Variants in DOCK7 observed in about 807,000 individuals in gnomAD.
The protein encoded by DOCK7 is dedicator of cytokinesis 7, also known as dedicator of cytokinesis protein 7.
A neutral mutation model predicts 271.0 loss-of-function variants in DOCK7; 138 were observed. The observed-to-expected ratio is 0.51, with a 90% CI of 0.44 to 0.59. DOCK7 has a LOEUF of 0.59. Among genes scored for constraint, DOCK7 ranks in the 20% least tolerant of loss-of-function variants. The pLI, the probability that DOCK7 is intolerant of heterozygous loss-of-function variation, is 0.00. For missense variants in DOCK7, 2,066 were observed against 2,592.4 expected (o/e 0.80, Z 4.41); for synonymous variants, 823 against 876.1 (o/e 0.94, Z 1.07).
At chr1:62,515,102 A>C (rs1644620743) in intron 31 of DOCK7, among the ~76,000 whole-genome samples, 1 of 151,942 alleles carries the variant, frequency 6.6e-6, no homozygotes, top group Admixed American at 6.6e-5. Flanking sequence ...CAATCACTCA[A>C]AGAAATAAGT....
chr1:62,545,324 C>T (rs1645667915), intron 22 of DOCK7, among the ~76,000 whole-genome samples: 4 of 151,658 alleles, frequency 2.6e-5, no homozygotes, highest in African/African-American at 9.7e-5. Flanking sequence ...CTAATGTTCC[C>T]ACAGCACCAC....
chr1:62,488,293 T>A (rs1646355750), intron 42 of DOCK7: 1 of 152,590 alleles, frequency 6.6e-6, no homozygotes, highest in African/African-American at 2.4e-5. Flanking sequence ...GCTAGTAGTG[T>A]ACTTCATTTT....
In DOCK7 at chr1:62,455,342, T is replaced by C; in HGVS notation, c.*72A>G. ...TCCAGAATTCCATTCCATGTTGTTT[T>C]CCAATAGATCTTTTCACACTCGATG... On this transcript the variant is annotated 3_prime_UTR_variant, in exon 50 of 50. Coordinates refer to ENST00000635253, the MANE Select transcript of DOCK7 (RefSeq NM_001367561.1). 6.6e-7 allele frequency: 1 copy of C among 1,508,204 alleles called. No individual in the cohort carries two copies. The highest frequency in any genetic ancestry group is 9.2e-7 in the Non-Finnish European group (1 of 1,086,698). The allele number at this position is 1,508,204 out of a possible 1,614,324, so 93.4% of individuals were successfully genotyped here. A position where few individuals can be genotyped will look rare whatever the true frequency, so the allele number is the denominator to read the frequency against.
intron 1 of DOCK7, among the ~76,000 whole-genome samples, chr1:62,678,402 T>C (rs1660756768): frequency 6.6e-6 from 1 of 152,196 alleles, no homozygotes; most frequent in Non-Finnish European, 1.5e-5. Context: ...TATAGCTGGA[T>C]ACAAAATTGT....
chr1:62,509,144 A>C (rs1644405603), intron 34 of DOCK7, among the ~76,000 whole-genome samples: 1 of 151,950 alleles, frequency 6.6e-6, no homozygotes, highest in Admixed American at 6.6e-5. Flanking sequence ...CAACATGGCA[A>C]AACCCTGTCT....
At chr1:62,617,618 C>A (rs2031373) in intron 14 of DOCK7, among the ~76,000 whole-genome samples, 95,245 of 151,684 alleles carry the variant, frequency 0.63, 30,380 homozygotes, top group African/African-American at 0.74. Context: ...CAGAAGAGAA[C>A]AGAAGTAAAA....
chr1:62,581,954 T>C (rs941022197), intron 16 of DOCK7, among the ~76,000 whole-genome samples: 17 of 152,172 alleles, frequency 1.1e-4, no homozygotes. Context: ...AGGAGACTAA[T>C]GCTGCAAGAA....
At position 62,633,501 on chromosome 1, in the gene DOCK7, G is replaced by C; in HGVS notation, c.1113C>G (p.Thr371=). 1 of 1,604,234 alleles carries C rather than the reference G, an allele frequency of 6.2e-7. No individual in the cohort carries two copies. The highest frequency in any genetic ancestry group is 8.5e-7 in the Non-Finnish European group (1 of 1,171,758). The change falls in exon 10 of 50, where the codon ACC becomes ACG. Residue 371 remains threonine (T), a synonymous_variant. Coordinates refer to ENST00000635253, the MANE Select transcript of DOCK7 (RefSeq NM_001367561.1). ...PYMIFKEADA[T]KNKEKLEKLK... is the part of the protein sequence containing the mutation. The stretch of plus-strand genomic sequence containing the variant: ...AATGAGAAGCATAACATTCTACCTT[G>C]GTGGCATCTGCTTCTTTGAAAATCA...
intron 12 of DOCK7, among the ~76,000 whole-genome samples, chr1:62,620,943 GAGA>G (rs1322364608): frequency 2.8e-5 from 4 of 144,344 alleles, no homozygotes; most frequent in African/African-American, 1.0e-4. Context: ...AGATGAAAAA[GAGA>G]AGAGAAAAAT....
intron 48 of DOCK7, among the ~76,000 whole-genome samples, chr1:62,466,632 C>CCTTA (rs1180361189): frequency 6.6e-6 from 1 of 152,090 alleles, no homozygotes; most frequent in Non-Finnish European, 1.5e-5. Flanking sequence ...CTACTTGCCC[C>CCTTA]CGTAAAAACA....
At position 62,543,674 on chromosome 1, in the gene DOCK7, T is replaced by G. The variant is rs1384904364; in HGVS notation, c.2931A>C (p.Gly977=). The change falls in exon 24 of 50, where the codon GGA becomes GGC. Residue 977 remains glycine, a synonymous_variant. Transcript: ENST00000635253. ...ETSSFLQTLT[G]RLPTKKLFHE... Reference sequence around the variant, plus strand: ...AATCTACCTTTTTAGTTGGTAAGCGTCCCGTTAATGTTTGTAAGAAACTTG... The same window carrying G: ...AATCTACCTTTTTAGTTGGTAAGCGGCCCGTTAATGTTTGTAAGAAACTTG... The G allele has an allele frequency of 6.2e-7, 1 of 1,602,530 alleles. No homozygotes were observed. The highest frequency in any genetic ancestry group is 8.5e-7 in the Non-Finnish European group (1 of 1,171,456).
At chr1:62,477,634 G>A (rs997737342) in intron 44 of DOCK7, 66 bp downstream of exon 44, 1 of 1,463,858 alleles carries the variant, frequency 6.8e-7, no homozygotes, top group Non-Finnish European at 9.1e-7. Context: ...ATCTGGATCT[G>A]AAAGTCTAAT....
intron 10 of DOCK7, 90 bp downstream of exon 10, chr1:62,633,408 C>T (rs1654868221): frequency 2.1e-6 from 2 of 955,690 alleles, no homozygotes; most frequent in East Asian, 2.5e-5. Context: ...CTATTAATTG[C>T]TATTGCATAT....
chr1:62,672,302 T>C (rs1369543145), intron 1 of DOCK7, among the ~76,000 whole-genome samples: 1 of 152,140 alleles, frequency 6.6e-6, no homozygotes, highest in Non-Finnish European at 1.5e-5. Context: ...TATTGGCACA[T>C]AAAACTAATA....
rs1644561854 is a variant in DOCK7 at position 62,513,479 on chromosome 1, C to T, written c.4247G>A (p.Gly1416Glu). 6.2e-7 allele frequency: 1 copy of T among 1,613,540 alleles called. No homozygotes were observed. The highest frequency in any genetic ancestry group is 1.7e-5 in the Admixed American group (1 of 59,824). The change falls in exon 33 of 50, where the codon GGA (glycine) becomes GAA (glutamate). Residue 1416 changes from glycine to glutamate, a missense_variant. This residue lies in a region of DOCK7 where 652 missense variants were observed against 922.1 expected (regional missense o/e 0.71). Coordinates refer to ENST00000635253, the MANE Select transcript of DOCK7 (RefSeq NM_001367561.1). ...AGCTATTGTGTACGTACCGAGCTGT[C>T]CTCGGCTTCGCCGTACCATTTCTTG... ...ARQEMVRRSR[G>E]QLGTYTIASP...
intron 19 of DOCK7, among the ~76,000 whole-genome samples, chr1:62,559,444 G>C (rs1231473128): frequency 4.9e-5 from 7 of 142,446 alleles, no homozygotes; most frequent in Non-Finnish European, 4.8e-5. Context: ...TACTAATTAA[G>C]ATTTTTTTTT....
At chr1:62,582,158 A>G (rs1182361562) in intron 16 of DOCK7, among the ~76,000 whole-genome samples, 2 of 152,188 alleles carry the variant, frequency 1.3e-5, no homozygotes, top group Non-Finnish European at 2.9e-5. Flanking sequence ...TAGTCTTGAT[A>G]AATAGGAATG....
chr1:62,619,058 C>T (rs1472617578), intron 13 of DOCK7, among the ~76,000 whole-genome samples, 190 bp from the exon 14 acceptor site: 3 of 151,466 alleles, frequency 2.0e-5, no homozygotes, highest in Admixed American at 6.6e-5. Flanking sequence ...TAAAAATTAC[C>T]GATCCAGACA....
At chr1:62,688,199 G>T in intron 1 of DOCK7, 28 bp downstream of exon 1, 1 of 1,367,976 alleles carries the variant, frequency 7.3e-7, no homozygotes, top group Admixed American at 2.7e-5. Flanking sequence ...GGGCGGCGGC[G>T]GCGGCGCGCC....
Sources: allele counts gnomAD v4.1 joint callset (sites outside exome capture counted in the v4.1 genomes callset), GRCh38; gene constraint gnomAD v4.1.1; regional missense constraint gnomAD v4.1.1; transcripts MANE v1.5; gene names NCBI Gene and HGNC (gene_info 2026-07-23, HGNC 2026-07-21).